The following ERG variants were observed in gnomAD, a reference collection of about 807,000 sequenced individuals.
ERG encodes ETS transcription factor ERG, also known as transcriptional regulator ERG.
Under a neutral mutation model 55.3 loss-of-function variants are expected in ERG, and 9 were observed. The ratio of observed to expected loss-of-function variants is 0.16; its 90% confidence interval spans 0.10 to 0.28. The LOEUF (loss-of-function observed/expected upper bound fraction) is 0.28, where lower values mean the gene tolerates loss of function less well. Among genes scored for constraint, ERG ranks in the 10% least tolerant of loss-of-function variants. The probability of loss-of-function intolerance (pLI) is 1.00; values close to 1 mark genes in which losing one functional copy is unlikely to be tolerated. For missense variants in ERG, 434 were observed against 631.6 expected (o/e 0.69, Z 3.35); for synonymous variants, 223 against 237.3 (o/e 0.94, Z 0.55).
intron 1 of ERG, among the ~76,000 whole-genome samples, chr21:38,597,352 A>G (rs1417680759): frequency 2.6e-5 from 4 of 152,264 alleles, no homozygotes; most frequent in Non-Finnish European, 5.9e-5. Flanking sequence ...ATCTCATTTT[A>G]TCTCTATATC....
At chr21:38,415,690 G>T (rs536788101) in intron 3 of ERG, among the ~76,000 whole-genome samples, 141 of 152,196 alleles carry the variant, frequency 9.3e-4, no homozygotes, top group African/African-American at 3.1e-3. Context: ...ACCCAGTTGT[G>T]CAAGTGTTCC....
chr21:38,410,979 G>T (rs1396058116), intron 3 of ERG, among the ~76,000 whole-genome samples: 1 of 152,178 alleles, frequency 6.6e-6, no homozygotes, highest in African/African-American at 2.4e-5. Flanking sequence ...AGCCTAGTGA[G>T]GTGTTTGTTT....
intron 1 of ERG, among the ~76,000 whole-genome samples, chr21:38,657,543 C>A (rs568273468): frequency 1.3e-5 from 2 of 152,162 alleles, no homozygotes; most frequent in Non-Finnish European, 2.9e-5. Flanking sequence ...AGCATTCAAG[C>A]CTCTTTCTAA....
chr21:38,388,128 A>G (rs2146421322), intron 9 of ERG, among the ~76,000 whole-genome samples: 1 of 152,332 alleles, frequency 6.6e-6, no homozygotes, highest in Non-Finnish European at 1.5e-5. Context: ...AAGAGGCAGG[A>G]TGTATTTTCA....
intron 2 of ERG, among the ~76,000 whole-genome samples, chr21:38,556,084 A>T (rs1299175854): frequency 6.6e-6 from 1 of 152,192 alleles, no homozygotes; most frequent in Non-Finnish European, 1.5e-5. Context: ...GAATATACAT[A>T]GGATGAAATT....
chr21:38,554,237 G>T (rs373121953), intron 2 of ERG, among the ~76,000 whole-genome samples: 3 of 152,272 alleles, frequency 2.0e-5, no homozygotes, highest in East Asian at 1.9e-4. Context: ...GTGTGTGAAT[G>T]TAAATTAGTT....
intron 1 of ERG, among the ~76,000 whole-genome samples, chr21:38,640,940 C>A (rs1430639797): frequency 6.6e-6 from 1 of 152,198 alleles, no homozygotes; most frequent in Non-Finnish European, 1.5e-5. Flanking sequence ...TTGACTTTTA[C>A]AACTATGTAT....
chr21:38,367,701 A>G, the ERG span: 4 of 494,776 alleles, frequency 8.1e-6, no homozygotes, highest in Non-Finnish European at 1.6e-5. Flanking sequence ...GAGGAAAATC[A>G]TAGGCGACCC....
intron 6 of ERG, among the ~76,000 whole-genome samples, chr21:38,399,819 T>C (rs966239062): frequency 6.6e-6 from 1 of 152,234 alleles, no homozygotes; most frequent in Non-Finnish European, 1.5e-5. Flanking sequence ...AAAACATTTA[T>C]GTGTACATAT....
chr21:38,531,875 GT>G (rs2059674592), intron 2 of ERG, among the ~76,000 whole-genome samples: 1 of 152,162 alleles, frequency 6.6e-6, no homozygotes, highest in South Asian at 2.1e-4. Context: ...CCCAAGTGCA[GT>G]GCGTTACACA....
chr21:38,370,191 A>G, the ERG span, among the ~76,000 whole-genome samples: 1 of 152,112 alleles, frequency 6.6e-6, no homozygotes, highest in African/African-American at 2.4e-5. Context: ...ACCCTTAGTT[A>G]CCATGAGCTT....
chr21:38,516,474 CAAAT>C (rs1372397537), intron 2 of ERG, among the ~76,000 whole-genome samples: 1 of 151,742 alleles, frequency 6.6e-6, no homozygotes, highest in Non-Finnish European at 1.5e-5. Context: ...AGGACACAAA[CAAAT>C]GAAAAGACAC....
chr21:38,607,556 C>T lies in ERG; in HGVS notation c.-149-22611G>A, dbSNP rs1270606965. Among the ~76,000 whole-genome samples the T allele has an allele frequency of 2.0e-5, 3 of 152,082 alleles. No individual in the cohort carries two copies. The East Asian group carries it at 5.8e-4, about 29-fold the overall frequency. ...GGCTGAGGCAGGAGAATGGCATGAA[C>T]CCGGGAGGCTGAGCTTGCAGTGAGC... On this transcript the variant is annotated intron_variant, in intron 1 of 10. Coordinates refer to the ERG transcript ENST00000398910.
the ERG span, among the ~76,000 whole-genome samples, chr21:38,368,882 C>A: frequency 6.6e-6 from 1 of 152,220 alleles, no homozygotes; most frequent in South Asian, 2.1e-4. Context: ...GTTTTCTGTT[C>A]CTGTGTGAGT....
chr21:38,494,927 T>C (rs1394086766), intron 1 of ERG, among the ~76,000 whole-genome samples: 7 of 152,190 alleles, frequency 4.6e-5, no homozygotes, highest in African/African-American at 1.7e-4. Flanking sequence ...TTTAAAGTAG[T>C]TGCCTGTAAA....
chr21:38,523,320 T>A (rs920603261), intron 2 of ERG, among the ~76,000 whole-genome samples: 1 of 152,228 alleles, frequency 6.6e-6, no homozygotes, highest in African/African-American at 2.4e-5. Flanking sequence ...AAATAAGCCA[T>A]CTATTTTGTT....
At chr21:38,582,704 TA>T (rs1426809313) in intron 1 of ERG, among the ~76,000 whole-genome samples, 1 of 151,964 alleles carries the variant, frequency 6.6e-6, no homozygotes, top group Non-Finnish European at 1.5e-5. Flanking sequence ...ATTAAGAAAG[TA>T]AAAATATTTC....
At chr21:38,525,827 G>A (rs1037609879) in intron 2 of ERG, among the ~76,000 whole-genome samples, 1 of 152,230 alleles carries the variant, frequency 6.6e-6, no homozygotes, top group Non-Finnish European at 1.5e-5. Flanking sequence ...CTTCGGTGGA[G>A]ATGTGGGTCT....
At position 38,518,236 on chromosome 21, in the gene ERG, G is replaced by GTATCTATC. The variant is rs71330332; in HGVS notation, c.-41+57418_-41+57425dup. 9.7e-3 allele frequency among the ~76,000 whole-genome samples: 1,412 copies of GTATCTATC among 145,456 alleles called. 14 individuals carry two copies. The highest frequency in any genetic ancestry group is 0.021 in the Middle Eastern group (6 of 282). ...GTACCCCATAACTATGTGTGTGTGT[G>GTATCTATC]TATCTATCTATCTATCTATCTATCT... On this transcript the variant is annotated intron_variant, in intron 2 of 8. Coordinates refer to the ERG transcript ENST00000398897.
Sources: gnomAD v4.1 joint callset for allele counts (sites outside exome capture counted in the v4.1 genomes callset) on GRCh38, gnomAD v4.1.1 for gene constraint, MANE v1.5 for transcripts, NCBI Gene and HGNC (gene_info 2026-07-23, HGNC 2026-07-21) for gene names.